The following LARGE1 variants were observed in gnomAD, a reference collection of about 807,000 sequenced individuals.
LARGE1 encodes the protein xylosyl- and glucuronyltransferase LARGE1.
LARGE1 carries 43 observed loss-of-function variants against 87.6 expected under a neutral mutation model. That is an observed-to-expected ratio of 0.49 (90% CI 0.38 to 0.63). The LOEUF is 0.63. LARGE1 is among the 30% of genes least tolerant of loss of function. The pLI is 0.00. For missense variants in LARGE1, 802 were observed against 1,000.2 expected (o/e 0.80, Z 2.67); for synonymous variants, 434 against 394.6 (o/e 1.10, Z -1.18).
intron 11 of LARGE1, among the ~76,000 whole-genome samples, chr22:33,193,889 T>C (rs1294487856): frequency 6.8e-6 from 1 of 147,750 alleles, no homozygotes; most frequent in Non-Finnish European, 1.5e-5. Context: ...ATGTTTTATA[T>C]ATTATATATG....
At chr22:33,512,508 T>A (rs1232519644) in intron 6 of LARGE1, among the ~76,000 whole-genome samples, 1 of 152,150 alleles carries the variant, frequency 6.6e-6, no homozygotes, top group Non-Finnish European at 1.5e-5. Flanking sequence ...AAGTAACTAA[T>A]CAAATAATGG....
intron 12 of LARGE1, among the ~76,000 whole-genome samples, chr22:33,296,774 G>A (rs931242380): frequency 6.6e-6 from 1 of 152,020 alleles, no homozygotes; most frequent in Non-Finnish European, 1.5e-5. Flanking sequence ...TCTCCATGTT[G>A]GTCAGGCTGG....
At chr22:33,842,186 T>C (rs938112026) in intron 1 of LARGE1, among the ~76,000 whole-genome samples, 2 of 152,218 alleles carry the variant, frequency 1.3e-5, no homozygotes, top group Non-Finnish European at 2.9e-5. Context: ...TTTTTGTCTC[T>C]ACACGGACGT....
At chr22:33,515,862 C>G (rs1317983356) in intron 6 of LARGE1, among the ~76,000 whole-genome samples, 1 of 152,134 alleles carries the variant, frequency 6.6e-6, no homozygotes, top group Non-Finnish European at 1.5e-5. Flanking sequence ...TCCCCTTGGC[C>G]TCTCACCCTT....
At chr22:33,635,630 T>C (rs991328498) in intron 3 of LARGE1, among the ~76,000 whole-genome samples, 19 of 151,958 alleles carry the variant, frequency 1.3e-4, no homozygotes, top group Non-Finnish European at 2.4e-4. Flanking sequence ...AGACACAGAG[T>C]GGTTAAGTAA....
intron 2 of LARGE1, among the ~76,000 whole-genome samples, chr22:33,687,410 A>T (rs1388329627): frequency 2.0e-5 from 3 of 149,420 alleles, no homozygotes. Flanking sequence ...AATAATATTC[A>T]TTACCAGCCG....
intron 6 of LARGE1, among the ~76,000 whole-genome samples, chr22:33,506,438 A>T (rs2070770315): frequency 6.6e-6 from 1 of 152,080 alleles, no homozygotes; most frequent in African/African-American, 2.4e-5. Context: ...CTCCTCCCAT[A>T]GGCTGAACCC....
Position 33,555,937 on chromosome 22 carries a change from A to G in LARGE1, c.787+8911T>C, listed in dbSNP as rs575505291. On this transcript the variant is annotated intron_variant, in intron 6 of 14. Transcript: ENST00000397394. ...GAGAGAGAGACTCCATCTCAAAAAA[A>G]AAAAAAAAAGTGTAGATTTAATGTT... Among the ~76,000 whole-genome samples, 16 of 151,654 alleles carry G rather than the reference A, an allele frequency of 1.1e-4. 1 individual carries two copies. Among genetic ancestry groups the G allele is most frequent in the African/African-American group, 3.4e-4 (14 of 41,266 alleles).
chr22:33,567,547 T>C (rs909787113), intron 5 of LARGE1, among the ~76,000 whole-genome samples: 3 of 152,190 alleles, frequency 2.0e-5, no homozygotes, highest in African/African-American at 7.2e-5. Context: ...CATGTCACCT[T>C]GGACAGGTTT....
intron 11 of LARGE1, among the ~76,000 whole-genome samples, chr22:33,198,118 A>G (rs968131263): frequency 4.6e-5 from 7 of 152,176 alleles, no homozygotes; most frequent in African/African-American, 1.7e-4. Context: ...AAAAGCAAAA[A>G]TATGTAACCT....
At chr22:33,242,114 A>C (rs1926552176) in intron 11 of LARGE1, among the ~76,000 whole-genome samples, 1 of 152,158 alleles carries the variant, frequency 6.6e-6, no homozygotes, top group Non-Finnish European at 1.5e-5. Flanking sequence ...GTGCCCAATA[A>C]ATATATTTAA....
At chr22:33,799,721 C>T (rs1339642651) in intron 1 of LARGE1, among the ~76,000 whole-genome samples, 4 of 152,158 alleles carry the variant, frequency 2.6e-5, no homozygotes, top group Admixed American at 6.5e-5. Flanking sequence ...AGTGAGCCAC[C>T]GTGCCCGGTC....
At chr22:33,420,249 G>A (rs776479618) in intron 7 of LARGE1, among the ~76,000 whole-genome samples, 2 of 152,172 alleles carry the variant, frequency 1.3e-5, no homozygotes, top group African/African-American at 2.4e-5. Context: ...TACAGGCCAG[G>A]CATGATTCCA....
intron 1 of LARGE1, among the ~76,000 whole-genome samples, chr22:33,817,687 T>C (rs562318015): frequency 6.6e-6 from 1 of 152,298 alleles, no homozygotes; most frequent in South Asian, 2.1e-4. Context: ...AAACTCATGC[T>C]GGCTAAACAG....
At chr22:33,360,200 C>A (rs2146879923) in intron 9 of LARGE1, among the ~76,000 whole-genome samples, 1 of 149,314 alleles carries the variant, frequency 6.7e-6, no homozygotes, top group South Asian at 2.3e-4. Flanking sequence ...GTAGTCCCAG[C>A]TACTTGGGAG....
chr22:33,326,153 GGGGGCTGCATTCAGGAC>G (rs1937223677), intron 10 of LARGE1, among the ~76,000 whole-genome samples: 1 of 152,194 alleles, frequency 6.6e-6, no homozygotes, highest in East Asian at 1.9e-4. Context: ...CAGGGAGGTA[GGGGGCTGCATTCAGGAC>G]TGTTGAGTGA....
intron 2 of LARGE1, among the ~76,000 whole-genome samples, chr22:33,741,867 C>T (rs1168995133): frequency 6.6e-6 from 1 of 152,140 alleles, no homozygotes; most frequent in African/African-American, 2.4e-5. Flanking sequence ...GTTCCATGCC[C>T]ACCCTCCAGA....
chr22:33,429,646 A>G lies in LARGE1; in HGVS notation c.892+2515T>C, dbSNP rs2067007668. 2.0e-5 allele frequency among the ~76,000 whole-genome samples: 3 copies of G among 152,252 alleles called. 1 individual carries two copies. In the South Asian group the frequency reaches 6.2e-4, roughly 32 times the overall value. On this transcript the variant is annotated intron_variant, in intron 7 of 14. Transcript: ENST00000397394. The stretch of plus-strand genomic sequence containing the variant: ...CCCTGAGGCACTGCAGTATATTTCT[A>G]TGTGACATTTTCTATTATATATTTT...
chr22:33,132,761 G>C, the LARGE1 span, among the ~76,000 whole-genome samples: 1 of 152,002 alleles, frequency 6.6e-6, no homozygotes, highest in East Asian at 1.9e-4. Flanking sequence ...CAAATCATTT[G>C]CTTCTTTTAT....
Sources: allele counts gnomAD v4.1 joint callset (sites outside exome capture counted in the v4.1 genomes callset), GRCh38; gene constraint gnomAD v4.1.1; transcripts MANE v1.5; gene names NCBI Gene and HGNC (gene_info 2026-07-23, HGNC 2026-07-21).